The following MICU1 variants were observed in gnomAD, a reference collection of about 807,000 sequenced individuals.
MICU1 encodes the protein mitochondrial calcium uptake 1.
A neutral mutation model predicts 56.8 loss-of-function variants in MICU1; 45 were observed. The observed-to-expected ratio is 0.79, with a 90% CI of 0.62 to 1.02. MICU1 has a LOEUF of 1.02. Ranked by LOEUF, MICU1 falls within the 50% of genes least tolerant of loss-of-function variation. The pLI is 0.00. For synonymous variants in MICU1, 186 were observed against 195.1 expected (o/e 0.95, Z 0.39); for missense variants, 504 against 587.1 (o/e 0.86, Z 1.46).
intron 5 of MICU1, among the ~76,000 whole-genome samples, chr10:72,512,100 G>GTT (rs1199987987): frequency 0.029 from 2,361 of 82,384 alleles, 213 homozygotes; most frequent in East Asian, 0.075. Context: ...ATACACAGTT[G>GTT]TTTTTTGTTT....
intron 8 of MICU1, among the ~76,000 whole-genome samples, chr10:72,437,894 A>G (rs1864785361): frequency 6.6e-6 from 1 of 152,166 alleles, no homozygotes; most frequent in South Asian, 2.1e-4. Flanking sequence ...CCAGATTCAT[A>G]AAGTAAGTCC....
chr10:72,471,094 GT>G (rs554791349), intron 8 of MICU1, among the ~76,000 whole-genome samples: 1 of 151,148 alleles, frequency 6.6e-6, no homozygotes, highest in South Asian at 2.1e-4. Context: ...TACACAATAT[GT>G]TTTTTTTTGA....
intron 5 of MICU1, among the ~76,000 whole-genome samples, chr10:72,529,437 T>C (rs922669281): frequency 1.3e-5 from 2 of 152,206 alleles, no homozygotes; most frequent in African/African-American, 4.8e-5. Context: ...GTGTATAAAC[T>C]ATAGCTTTTA....
intron 6 of MICU1, among the ~76,000 whole-genome samples, chr10:72,502,167 T>TG (rs57958353): frequency 6.1e-5 from 9 of 147,000 alleles, no homozygotes; most frequent in Admixed American, 6.7e-5. Flanking sequence ...TGTTTTTTTT[T>TG]TTTTTTTGAG....
chr10:72,539,676 A>T (rs1201605250), intron 4 of MICU1, among the ~76,000 whole-genome samples: 1 of 152,170 alleles, frequency 6.6e-6, no homozygotes, highest in Non-Finnish European at 1.5e-5. Flanking sequence ...CATCTTAGGG[A>T]ACTAGAAAAA....
At chr10:72,548,598 G>A (rs920501717) in intron 4 of MICU1, among the ~76,000 whole-genome samples, 1 of 152,216 alleles carries the variant, frequency 6.6e-6, no homozygotes, top group African/African-American at 2.4e-5. Flanking sequence ...GATTGGCCAT[G>A]TGTTATAATT....
intron 8 of MICU1, among the ~76,000 whole-genome samples, chr10:72,469,480 A>C (rs539782020): frequency 6.6e-6 from 1 of 152,320 alleles, no homozygotes; most frequent in East Asian, 1.9e-4. Flanking sequence ...AAATTACCCA[A>C]ACTTAGAAAA....
chr10:72,447,649 A>T (rs1241600704), intron 8 of MICU1, among the ~76,000 whole-genome samples: 1 of 152,142 alleles, frequency 6.6e-6, no homozygotes, highest in Admixed American at 6.6e-5. Context: ...TATACGAAAA[A>T]ATCATTGGTG....
chr10:72,532,830 C>T (rs1399613123), intron 5 of MICU1: 3 of 984,326 alleles, frequency 3.0e-6, no homozygotes, highest in East Asian at 1.1e-4. Context: ...AATCTTAAGG[C>T]AGCTACTCAT....
At chr10:72,581,346 G>T (rs921643986) in intron 1 of MICU1, among the ~76,000 whole-genome samples, 2 of 151,948 alleles carry the variant, frequency 1.3e-5, no homozygotes, top group Admixed American at 6.6e-5. Context: ...AAGACTTAAT[G>T]AGGCCAGGCA....
chr10:72,368,038 G>T lies in MICU1; in HGVS notation c.*157C>A. The stretch of plus-strand genomic sequence containing the variant: ...TCAGAGCCCAGCAGAACACGGGGAC[G>T]GGGAAGGGTAAAGAGGGGAAACCGA... On this transcript the variant is annotated 3_prime_UTR_variant, in exon 12 of 12. Coordinates refer to ENST00000361114, the MANE Select transcript of MICU1 (RefSeq NM_001195518.2). 1 of 698,106 alleles carries T rather than the reference G, an allele frequency of 1.4e-6. No individual in the cohort carries two copies. 43.2% of individuals were successfully genotyped at this position (698,106 alleles called of 1,614,324 possible).
chr10:72,496,260 T>C (rs900457512), intron 6 of MICU1, among the ~76,000 whole-genome samples: 3 of 151,728 alleles, frequency 2.0e-5, no homozygotes, highest in Non-Finnish European at 2.9e-5. Flanking sequence ...CCTGAGCAGC[T>C]GGGATAATAT....
At chr10:72,461,595 CT>C (rs1865640087) in intron 8 of MICU1, among the ~76,000 whole-genome samples, 4 of 152,208 alleles carry the variant, frequency 2.6e-5, no homozygotes, top group Admixed American at 2.6e-4. Flanking sequence ...TTTTTCTCAT[CT>C]TTGTATCTTA....
intron 1 of MICU1, among the ~76,000 whole-genome samples, chr10:72,569,237 A>ATATATATTTTTTTTTTTTTTTT: frequency 8.7e-5 from 3 of 34,392 alleles, no homozygotes; most frequent in African/African-American, 1.1e-4. Flanking sequence ...ATATATATAT[A>ATATATATTTTTTTTTTTTTTTT]TTTTTTTTTT....
intron 4 of MICU1, among the ~76,000 whole-genome samples, chr10:72,536,592 C>G (rs1225648526): frequency 6.6e-6 from 1 of 151,914 alleles, no homozygotes; most frequent in Non-Finnish European, 1.5e-5. Context: ...ACCTCATGAT[C>G]CGCCCGCCTC....
intron 1 of MICU1, among the ~76,000 whole-genome samples, chr10:72,625,493 T>C (rs1842205671): frequency 6.6e-6 from 1 of 152,214 alleles, no homozygotes; most frequent in Non-Finnish European, 1.5e-5. Flanking sequence ...GGGAAGGCGC[T>C]GGAAAAGATA....
chr10:72,369,497 G>A (rs1035954305), intron 11 of MICU1, among the ~76,000 whole-genome samples: 4 of 152,032 alleles, frequency 2.6e-5, no homozygotes, highest in East Asian at 1.9e-4. Context: ...ATTGGAAGGC[G>A]GCACACCTGG....
intron 10 of MICU1, among the ~76,000 whole-genome samples, chr10:72,400,360 G>T (rs76311457): frequency 0.01 from 1,565 of 152,160 alleles, 8 homozygotes; most frequent in Non-Finnish European, 0.017. Context: ...CTATATAATT[G>T]TTCTTTAATG....
At position 72,477,318 on chromosome 10, in the gene MICU1, G is replaced by A; in HGVS notation, c.653-62C>T. 5.9e-6 allele frequency: 8 copies of A among 1,357,628 alleles called. No individual in the cohort carries two copies. In the South Asian group the frequency reaches 6.9e-5, roughly 12 times the overall value. 84.1% of individuals were successfully genotyped at this position (1,357,628 alleles called of 1,614,324 possible). A position where few individuals can be genotyped will look rare whatever the true frequency, so the allele number is the denominator to read the frequency against. On this transcript the variant is annotated intron_variant, in intron 6 of 11. Transcript: ENST00000361114. ...GACCAAAAATAAATCCCTTTTTAAAGAAAAACAAAAGGCTAAACACTAAAA... is the reference window on the plus strand; with the variant it reads ...GACCAAAAATAAATCCCTTTTTAAAAAAAAACAAAAGGCTAAACACTAAAA...
Sources: gnomAD v4.1 joint callset for allele counts (sites outside exome capture counted in the v4.1 genomes callset) on GRCh38, gnomAD v4.1.1 for gene constraint, MANE v1.5 for transcripts, NCBI Gene and HGNC (gene_info 2026-07-23, HGNC 2026-07-21) for gene names.